The following SP3 variants were observed in gnomAD, a reference collection of about 807,000 sequenced individuals.
SP3 encodes the protein Sp3 transcription factor.
In SP3, 10 loss-of-function variants were observed where a neutral mutation model predicts 70.3. The ratio of observed to expected loss-of-function variants is 0.14; its 90% CI spans 0.09 to 0.24. The LOEUF is 0.24. SP3 is among the 10% of genes least tolerant of loss of function. The pLI is 1.00. For synonymous variants in SP3, 402 were observed against 333.5 expected (o/e 1.21, Z -2.24); for missense variants, 825 against 914.6 (o/e 0.90, Z 1.26).
intron 4 of SP3, among the ~76,000 whole-genome samples, chr2:173,951,603 A>G (rs977883453): frequency 9.2e-5 from 14 of 152,204 alleles, no homozygotes; most frequent in African/African-American, 3.1e-4. Context: ...GTTCGGGCTG[A>G]ACCATATGAA....
chr2:173,913,185 C>CA lies in SP3; in HGVS notation c.1913dup (p.Arg639GlufsTer16), dbSNP rs1689537051. On this transcript the variant is annotated frameshift_variant, in exon 6 of 7. Coordinates refer to ENST00000310015, the MANE Select transcript of SP3 (RefSeq NM_003111.5). LOFTEE classifies it high-confidence loss of function. ...CAGAATGCCAACGCAGATGAGCTCT[C>CA]AGATGTGAGGTCTTCCCATAGACTT... is the stretch of plus-strand genomic sequence containing the variant. The CA allele has an allele frequency of 6.2e-7, 1 of 1,613,522 alleles. No individual in the cohort carries two copies. The highest frequency in any genetic ancestry group is 8.5e-7 in the Non-Finnish European group (1 of 1,179,694).
In SP3 at chr2:173,964,968, C is replaced by T. The variant is rs1418961295; in HGVS notation, c.7+197G>A. ...GCCCCGGGGCCTGGCGGGGAGACGG[C>T]GTTGCTGGGGCTTCGGGGGTGGACG... On this transcript the variant is annotated intron_variant, in intron 1 of 6. Coordinates refer to ENST00000310015, the MANE Select transcript of SP3 (RefSeq NM_003111.5). 16 of 649,346 alleles carry T rather than the reference C, an allele frequency of 2.5e-5. No individual in the cohort carries two copies. The African/African-American group carries it at 2.6e-4, about 10-fold the overall frequency. 40.2% of individuals were successfully genotyped at this position (649,346 alleles called of 1,614,324 possible). A position where few individuals can be genotyped will look rare whatever the true frequency, so the allele number is the denominator to read the frequency against.
chr2:173,965,546 C>G (rs1175394452), upstream of SP3: 2 of 236,922 alleles, frequency 8.4e-6, no homozygotes, highest in Non-Finnish European at 1.7e-5. Flanking sequence ...CGTAGGTTTT[C>G]GAGAGCGGCT....
At chr2:173,961,798 A>G (rs1248399451) in intron 3 of SP3, among the ~76,000 whole-genome samples, 18 of 152,208 alleles carry the variant, frequency 1.2e-4, no homozygotes, top group Non-Finnish European at 2.4e-4. Flanking sequence ...TCTTAAGTTC[A>G]TATTTGCACT....
chr2:173,921,831 A>G (rs545169202), intron 4 of SP3, among the ~76,000 whole-genome samples: 65 of 152,316 alleles, frequency 4.3e-4, no homozygotes, highest in African/African-American at 1.3e-3. Flanking sequence ...TAAATGGTTT[A>G]GCACCACTGT....
intron 4 of SP3, among the ~76,000 whole-genome samples, chr2:173,924,547 T>C (rs1689854899): frequency 6.6e-6 from 1 of 152,214 alleles, no homozygotes; most frequent in Non-Finnish European, 1.5e-5. Context: ...TTCTAAGTGT[T>C]TACATATATT....
intron 6 of SP3, among the ~76,000 whole-genome samples, chr2:173,911,813 C>CA (rs1689491407): frequency 1.0e-5 from 1 of 98,024 alleles, no homozygotes; most frequent in Non-Finnish European, 1.9e-5. Context: ...TTTTATCTAC[C>CA]TTTTTTTTTT....
At chr2:173,935,381 A>AAGAG (rs1690179207) in intron 4 of SP3, among the ~76,000 whole-genome samples, 1 of 152,218 alleles carries the variant, frequency 6.6e-6, no homozygotes, top group Non-Finnish European at 1.5e-5. Flanking sequence ...CCTGATGGAA[A>AAGAG]ATAGTAAGAC....
At chr2:173,943,984 T>C (rs1052672947) in intron 4 of SP3, among the ~76,000 whole-genome samples, 2 of 152,230 alleles carry the variant, frequency 1.3e-5, no homozygotes, top group South Asian at 4.1e-4. Flanking sequence ...ACTGTAAACA[T>C]GATGGTATGT....
At chr2:173,958,748 C>T (rs1446573) in intron 3 of SP3, among the ~76,000 whole-genome samples, 101,648 of 150,928 alleles carry the variant, frequency 0.67, 34,733 homozygotes, top group African/African-American at 0.79. Flanking sequence ...TGATTTATGC[C>T]AAAACTACAC....
rs374068153 is a variant in SP3 at position 173,913,301 on chromosome 2, T to C, written c.1833-35A>G. 2.8e-4 allele frequency: 384 copies of C among 1,382,344 alleles called. 1 individual carries two copies. Among genetic ancestry groups the C allele is most frequent in the South Asian group, 7.9e-4 (43 of 54,696 alleles). 85.6% of individuals were successfully genotyped at this position (1,382,344 alleles called of 1,614,324 possible). A position where few individuals can be genotyped will look rare whatever the true frequency, so the allele number is the denominator to read the frequency against. On this transcript the variant is annotated intron_variant, in intron 5 of 6. Coordinates refer to ENST00000310015, the MANE Select transcript of SP3 (RefSeq NM_003111.5). ...ACACATAGAATAATATATACTTATA[T>C]GAAAATATTCAAATGGACATTACCA...
chr2:173,943,688 C>A (rs2105485326), intron 4 of SP3, among the ~76,000 whole-genome samples: 1 of 152,254 alleles, frequency 6.6e-6, no homozygotes, highest in South Asian at 2.1e-4. Context: ...GCTTATTTGT[C>A]TTCATCCACT....
rs566226375 is a variant in SP3, at chr2:173,905,926, G to A, written c.*4015C>T. On this transcript the variant is annotated 3_prime_UTR_variant, in exon 7 of 7. Transcript: ENST00000310015. ...AAGTGGGGAGGATTGCTTGAGACCA[G>A]TAAGTGGAGTCTGCAGTAAGCCATG... Among the ~76,000 whole-genome samples, 3 of 152,298 alleles carry A rather than the reference G, an allele frequency of 2.0e-5. No homozygotes were observed. Among genetic ancestry groups the A allele is most frequent in the South Asian group, 2.1e-4 (1 of 4,824 alleles).
At chr2:173,922,481 T>C (rs1191096314) in intron 4 of SP3, among the ~76,000 whole-genome samples, 1 of 151,894 alleles carries the variant, frequency 6.6e-6, no homozygotes, top group Non-Finnish European at 1.5e-5. Flanking sequence ...GGTTTGGAGT[T>C]CAGGTAGAAA....
At chr2:173,965,412 T>C, upstream of SP3, 1 of 538,600 alleles carries the variant, frequency 1.9e-6, no homozygotes, top group Admixed American at 3.4e-5. Flanking sequence ...TTGGCTCTCA[T>C]TCGCCGCCGT....
At chr2:173,931,885 G>C (rs570051404) in intron 4 of SP3, among the ~76,000 whole-genome samples, 3 of 152,304 alleles carry the variant, frequency 2.0e-5, no homozygotes, top group Admixed American at 6.5e-5. Context: ...TGGTTTAAAG[G>C]AATGTTGTGG....
At chr2:173,922,749 G>T (rs1291013734) in intron 4 of SP3, among the ~76,000 whole-genome samples, 1 of 152,118 alleles carries the variant, frequency 6.6e-6, no homozygotes. Flanking sequence ...ATGATCCTTG[G>T]ATATAACATT....
chr2:173,943,431 A>G (rs773255796), intron 4 of SP3, among the ~76,000 whole-genome samples: 22 of 152,268 alleles, frequency 1.4e-4, no homozygotes, highest in Admixed American at 3.3e-4. Flanking sequence ...GGGATTTCCT[A>G]ACCATCATAT....
chr2:173,932,633 G>T (rs762876788), intron 4 of SP3, among the ~76,000 whole-genome samples: 5 of 152,156 alleles, frequency 3.3e-5, no homozygotes, highest in Admixed American at 2.0e-4. Flanking sequence ...ATGGTCTGTT[G>T]TGCCCCAAGA....
Sources: allele counts gnomAD v4.1 joint callset (sites outside exome capture counted in the v4.1 genomes callset), GRCh38; gene constraint gnomAD v4.1.1; transcripts MANE v1.5; gene names NCBI Gene and HGNC (gene_info 2026-07-23, HGNC 2026-07-21).